SYNPO2: variants seen among roughly 807,000 people sequenced by gnomAD.
SYNPO2 encodes the protein synaptopodin 2, also known as synaptopodin-2.
In SYNPO2, 56 loss-of-function variants were observed where a neutral mutation model predicts 85.0. That is an observed-to-expected ratio of 0.66 (90% confidence interval 0.53 to 0.82). SYNPO2 has a LOEUF of 0.82. SYNPO2 is among the 40% of genes least tolerant of loss of function. The pLI, the probability that SYNPO2 is intolerant of heterozygous loss-of-function variation, is 0.00. For missense variants in SYNPO2, 1,575 were observed against 1,534.2 expected (o/e 1.03, Z -0.44); for synonymous variants, 602 against 591.1 (o/e 1.02, Z -0.27).
chr4:118,909,392 G>A (rs1733057547), intron 1 of SYNPO2, among the ~76,000 whole-genome samples: 2 of 152,304 alleles, frequency 1.3e-5, no homozygotes, highest in East Asian at 1.9e-4. Context: ...ATGTTTGGGG[G>A]TGTGGGAGAG....
chr4:118,865,743 A>T (rs1025058157), intron 1 of SYNPO2, among the ~76,000 whole-genome samples: 6 of 152,202 alleles, frequency 3.9e-5, no homozygotes, highest in Admixed American at 6.5e-5. Flanking sequence ...AAGCACGGTT[A>T]AAAAAAGTGA....
chr4:119,034,351 G>T (rs552282388), intron 4 of SYNPO2: 29 of 976,324 alleles, frequency 3.0e-5, no homozygotes, highest in Admixed American at 6.1e-5. Flanking sequence ...TGACCCAGAA[G>T]TATTTCCAGT....
chr4:118,967,321 T>C (rs1735352437), intron 1 of SYNPO2, among the ~76,000 whole-genome samples: 1 of 152,218 alleles, frequency 6.6e-6, no homozygotes, highest in African/African-American at 2.4e-5. Flanking sequence ...TCGAGCCACC[T>C]GATAACTCTA....
chr4:119,006,570 T>A (rs1287359561), intron 1 of SYNPO2, among the ~76,000 whole-genome samples: 1 of 152,234 alleles, frequency 6.6e-6, no homozygotes, highest in Non-Finnish European at 1.5e-5. Context: ...TTTGTGGTAC[T>A]TATCCCATTT....
chr4:118,965,055 T>C (rs1735260338), intron 1 of SYNPO2, among the ~76,000 whole-genome samples: 1 of 152,148 alleles, frequency 6.6e-6, no homozygotes, highest in African/African-American at 2.4e-5. Flanking sequence ...GTACTGTGCA[T>C]CTTGTAGCTG....
intron 1 of SYNPO2, among the ~76,000 whole-genome samples, chr4:119,007,414 A>C (rs1214600143): frequency 7.0e-6 from 1 of 142,676 alleles, no homozygotes; most frequent in Non-Finnish European, 1.5e-5. Context: ...AAAACAAACA[A>C]AAAAAAAACA....
chr4:118,996,554 A>G (rs182184515), intron 1 of SYNPO2, among the ~76,000 whole-genome samples: 15 of 152,304 alleles, frequency 9.8e-5, no homozygotes, highest in Admixed American at 6.5e-4. Flanking sequence ...AAAAATAAAT[A>G]TAACGCAAGA....
intron 1 of SYNPO2, among the ~76,000 whole-genome samples, chr4:118,988,704 G>A (rs537917624): frequency 6.6e-6 from 1 of 152,276 alleles, no homozygotes; most frequent in South Asian, 2.1e-4. Context: ...GGAGTTTCAG[G>A]TCCAGACATC....
At chr4:118,874,395 A>G (rs1390424912) in intron 1 of SYNPO2, among the ~76,000 whole-genome samples, 2 of 152,110 alleles carry the variant, frequency 1.3e-5, no homozygotes, top group African/African-American at 2.4e-5. Flanking sequence ...GATTTTATCT[A>G]TGGAAAAAAT....
upstream of SYNPO2, among the ~76,000 whole-genome samples, chr4:118,885,412 G>A (rs1419776635): frequency 6.6e-6 from 1 of 151,734 alleles, no homozygotes; most frequent in Non-Finnish European, 1.5e-5. Context: ...GGTCCCAGGA[G>A]TAGGAAATGA....
chr4:118,883,489 C>T (rs1354206242), intron 1 of SYNPO2, among the ~76,000 whole-genome samples: 2 of 152,016 alleles, frequency 1.3e-5, no homozygotes, highest in Non-Finnish European at 1.5e-5. Flanking sequence ...ATGTTAGGCC[C>T]AGAAATCTTA....
intron 1 of SYNPO2, among the ~76,000 whole-genome samples, chr4:118,987,705 T>C (rs540943231): frequency 1.2e-4 from 18 of 152,248 alleles, no homozygotes; most frequent in African/African-American, 4.3e-4. Flanking sequence ...TTTCTTCACT[T>C]AGTACTGATG....
chr4:118,966,453 C>T (rs566539270), intron 1 of SYNPO2, among the ~76,000 whole-genome samples: 1 of 152,094 alleles, frequency 6.6e-6, no homozygotes, highest in Non-Finnish European at 1.5e-5. Context: ...ACAGCTCCCC[C>T]ACTTACCCTT....
At chr4:119,000,840 GTTCT>G (rs1316049613) in intron 1 of SYNPO2, among the ~76,000 whole-genome samples, 5 of 152,174 alleles carry the variant, frequency 3.3e-5, no homozygotes, top group Non-Finnish European at 7.4e-5. Flanking sequence ...TCTTCCTGCT[GTTCT>G]TTCTTTCTTT....
intron 1 of SYNPO2, among the ~76,000 whole-genome samples, chr4:118,953,599 C>T (rs1354229549): frequency 1.7e-5 from 2 of 120,798 alleles, no homozygotes; most frequent in African/African-American, 5.9e-5. Flanking sequence ...TGAACTGTAG[C>T]CTTTTTTTTT....
chr4:118,988,183 C>T (rs1338637824), intron 1 of SYNPO2, among the ~76,000 whole-genome samples: 3 of 152,100 alleles, frequency 2.0e-5, no homozygotes, highest in Admixed American at 1.3e-4. Flanking sequence ...CTATTATTTG[C>T]CAGTACTTCT....
intron 1 of SYNPO2, among the ~76,000 whole-genome samples, chr4:118,856,500 A>G (rs576033456): frequency 6.6e-6 from 1 of 152,176 alleles, no homozygotes; most frequent in South Asian, 2.1e-4. Context: ...TTTCGAATAT[A>G]TATGCTATTT....
intron 1 of SYNPO2, among the ~76,000 whole-genome samples, chr4:118,858,059 T>G (rs1443914771): frequency 3.9e-5 from 6 of 152,184 alleles, no homozygotes; most frequent in Non-Finnish European, 7.3e-5. Flanking sequence ...TTGGTTCTCT[T>G]TATATTCCTT....
chr4:118,917,943 T>G (rs554646377), intron 1 of SYNPO2, among the ~76,000 whole-genome samples: 2 of 152,208 alleles, frequency 1.3e-5, no homozygotes, highest in African/African-American at 4.8e-5. Context: ...ACTAAATTTT[T>G]ACATTCTGTC....
Sources: gnomAD v4.1 joint callset for allele counts (sites outside exome capture counted in the v4.1 genomes callset) on GRCh38, gnomAD v4.1.1 for gene constraint, MANE v1.5 for transcripts, NCBI Gene and HGNC (gene_info 2026-07-23, HGNC 2026-07-21) for gene names.